The following ASAP1 variants were observed in gnomAD, a reference collection of about 807,000 sequenced individuals.
The protein encoded by ASAP1 is ArfGAP with SH3 domain, ankyrin repeat and PH domain 1, also known as arf-GAP with SH3 domain, ANK repeat and PH domain-containing protein 1.
Under a neutral mutation model 145.2 loss-of-function variants are expected in ASAP1, and 43 were observed. The ratio of observed to expected loss-of-function variants is 0.30; its 90% CI spans 0.23 to 0.38. The LOEUF (loss-of-function observed/expected upper bound fraction) is 0.38, where lower values mean the gene tolerates loss of function less well. Ranked by LOEUF, ASAP1 falls within the 10% of genes least tolerant of loss-of-function variation. The pLI is 1.00. For missense variants in ASAP1, 1,018 were observed against 1,355.3 expected, an observed-to-expected ratio of 0.75 and a Z score of 3.91; for synonymous variants, 546 against 515.5, an observed-to-expected ratio of 1.06 and a Z score of -0.80.
At chr8:130,149,067 C>T (rs375621645) in intron 13 of ASAP1, among the ~76,000 whole-genome samples, 1 of 144,704 alleles carries the variant, frequency 6.9e-6, no homozygotes, top group Non-Finnish European at 1.5e-5. Flanking sequence ...AGGCTGGTCT[C>T]GAACTCCTGG....
Position 130,214,567 on chromosome 8 carries a change from G to A in ASAP1, c.394C>T (p.Leu132=). ...STLTKELSTL[L]KNLLQGLSHN... Reference sequence around the variant, plus strand: ...ATGAAATGTCTTACCAGATTTTTCAGCAGTGTGGACAGTTCCTTTGTAAGA... The same window carrying A: ...ATGAAATGTCTTACCAGATTTTTCAACAGTGTGGACAGTTCCTTTGTAAGA... The change falls in exon 5 of 30, where the codon CTG becomes TTG. Residue 132 remains leucine, a synonymous_variant. Coordinates refer to ENST00000518721, the MANE Select transcript of ASAP1 (RefSeq NM_018482.4). The A allele has an allele frequency of 1.3e-6, 2 of 1,598,666 alleles. No individual in the cohort carries two copies. Among genetic ancestry groups the A allele is most frequent in the Middle Eastern group, 1.7e-4 (1 of 5,984 alleles).
chr8:130,355,106 T>G (rs754516395), intron 3 of ASAP1, among the ~76,000 whole-genome samples: 3 of 152,256 alleles, frequency 2.0e-5, no homozygotes, highest in Non-Finnish European at 4.4e-5. Flanking sequence ...CTCGAACTCC[T>G]GACCTCAAGT....
intron 3 of ASAP1, among the ~76,000 whole-genome samples, chr8:130,325,342 C>T (rs1487058081): frequency 6.6e-6 from 1 of 152,158 alleles, no homozygotes; most frequent in Non-Finnish European, 1.5e-5. Context: ...AGCACTGAGG[C>T]CAACTTCAAA....
chr8:130,169,058 T>C lies in ASAP1; in HGVS notation c.756A>G (p.Gln252=), dbSNP rs773788368. 3 of 1,566,918 alleles carry C rather than the reference T, an allele frequency of 1.9e-6. No individual in the cohort carries two copies. The highest frequency in any genetic ancestry group is 2.0e-5 in the Admixed American group (1 of 49,276). Residue 252 remains glutamine, a synonymous_variant, in exon 10 of 30, where the codon CAA becomes CAG. Coordinates refer to ENST00000518721, the MANE Select transcript of ASAP1 (RefSeq NM_018482.4). ...ACTTATCAGCTGTTTTCAAGCCATC[T>C]TGAAAGAAACTACAATTAAAAAAAT... ...KYYHAQCNFF[Q]DGLKTADKLK...
Position 130,118,692 on chromosome 8 carries a change from TAAAG to T in ASAP1, c.1608-21_1608-18del, listed in dbSNP as rs2097560476. On this transcript the variant is annotated intron_variant, in intron 18 of 29. Transcript: ENST00000518721. ...CGTACAGTCCTAAAACAGAACAAAA[TAAAG>T]AATTTTTATTTTCCAAGTGCTAGGA... 1 of 1,420,510 alleles carries T rather than the reference TAAAG, an allele frequency of 7.0e-7. No homozygotes were observed. Among genetic ancestry groups the T allele is most frequent in the African/African-American group, 1.4e-5 (1 of 69,066 alleles). 88.0% of individuals were successfully genotyped at this position (1,420,510 alleles called of 1,614,324 possible).
chr8:130,121,849 G>A (rs575017273), intron 18 of ASAP1, among the ~76,000 whole-genome samples: 24 of 130,652 alleles, frequency 1.8e-4, no homozygotes, highest in Admixed American at 2.5e-4. Flanking sequence ...CTCAGATCAC[G>A]CCACTCCTGT....
rs146341224 is a variant in ASAP1 at position 130,214,429 on chromosome 8, T to G, written c.405+127A>C. The G allele has an allele frequency of 2.2e-4, 211 of 955,966 alleles. 1 individual carries two copies. In the African/African-American group the frequency reaches 3.0e-3, roughly 14 times the overall value. 59.2% of individuals were successfully genotyped at this position (955,966 alleles called of 1,614,324 possible). On this transcript the variant is annotated intron_variant, in intron 5 of 29. Coordinates refer to ENST00000518721, the MANE Select transcript of ASAP1 (RefSeq NM_018482.4). ...TGGAAGTTACCTAGGACTAAAAAGC[T>G]TTTTGTTTTTTCTTTCTCACCCCTA...
intron 3 of ASAP1, among the ~76,000 whole-genome samples, chr8:130,267,446 C>T (rs574715593): frequency 6.6e-6 from 1 of 152,264 alleles, no homozygotes; most frequent in South Asian, 2.1e-4. Flanking sequence ...ACATTAGATC[C>T]TCCCAAAAAC....
At chr8:130,356,127 A>G (rs962595006) in intron 3 of ASAP1, among the ~76,000 whole-genome samples, 1 of 152,208 alleles carries the variant, frequency 6.6e-6, no homozygotes, top group Non-Finnish European at 1.5e-5. Context: ...ACTAACATCA[A>G]CAGCAACTGC....
In ASAP1 at chr8:130,113,106, C is replaced by T. The variant is rs539120707; in HGVS notation, c.2173-784G>A. Among the ~76,000 whole-genome samples the T allele has an allele frequency of 6.6e-5, 10 of 152,336 alleles. No homozygotes were observed. In the East Asian group the frequency reaches 1.5e-3, roughly 24 times the overall value. ...CACTGCAGCCAGAGCTGGTGGGAAA[C>T]CTTGCTCTTTAGACAATAAACCTCT... On this transcript the variant is annotated intron_variant, in intron 23 of 29. Coordinates refer to ENST00000518721, the MANE Select transcript of ASAP1 (RefSeq NM_018482.4).
rs184065492 is a variant in ASAP1, at chr8:130,282,044, A to G, written c.187-45050T>C. On this transcript the variant is annotated intron_variant, in intron 3 of 29. Transcript: ENST00000518721. Reference sequence around the variant, plus strand: ...ATCATGACCGATTACACTCCAGTCCAGGCGACAGTGCAAGACTCTGCCTCG... The same window carrying G: ...ATCATGACCGATTACACTCCAGTCCGGGCGACAGTGCAAGACTCTGCCTCG... Among the ~76,000 whole-genome samples, 168 of 150,664 alleles carry G rather than the reference A, an allele frequency of 1.1e-3. 1 individual carries two copies. Among genetic ancestry groups the G allele is most frequent in the African/African-American group, 3.7e-3 (153 of 41,008 alleles).
In ASAP1 at chr8:130,179,337, C is replaced by T. The variant is rs1586529744; in HGVS notation, c.673G>A (p.Val225Ile). 6.3e-7 allele frequency: 1 copy of T among 1,596,284 alleles called. No homozygotes were observed. The highest frequency in any genetic ancestry group is 1.7e-4 in the Middle Eastern group (1 of 6,032). Residue 225 changes from valine (V) to isoleucine (I), a missense_variant, in exon 9 of 30, where the codon GTT (valine) becomes ATT (isoleucine). Transcript: ENST00000518721. ...CCCTTTTTGGTCTTGATTTCATTAA[C>T]TTTAATGAGATACTGTGAAAATAAA... Reference protein sequence around the residue: ...QLQMCEYLIKVNEIKTKKGVD... With the variant: ...QLQMCEYLIKINEIKTKKGVD...
Position 130,159,946 on chromosome 8 carries a change from C to G in ASAP1, c.928G>C (p.Gly310Arg). ...DQKEDSQSRQGGYSMHQLQGN... is the reference protein window; with the variant it reads ...DQKEDSQSRQRGYSMHQLQGN... ...TGGAGCTGATGCATGCTGTATCCTCCTTGCCGGCTCTGAGAATCCTAGGAA... is the reference window on the plus strand; with the variant it reads ...TGGAGCTGATGCATGCTGTATCCTCGTTGCCGGCTCTGAGAATCCTAGGAA... Residue 310 changes from glycine to arginine, a missense_variant, in exon 12 of 30, where the codon GGA becomes CGA. By Grantham distance (125) the Gly-to-Arg change is moderately radical (BLOSUM62 -2). Around this residue, in one of 9 missense-constraint regions of ASAP1, gnomAD observed 62 missense variants for 68.5 expected, o/e 0.90. Coordinates refer to ENST00000518721, the MANE Select transcript of ASAP1 (RefSeq NM_018482.4). 1 of 1,614,060 alleles carries G rather than the reference C, an allele frequency of 6.2e-7. No individual in the cohort carries two copies. The highest frequency in any genetic ancestry group is 8.5e-7 in the Non-Finnish European group (1 of 1,179,964).
chr8:130,299,766 C>T (rs1822509787), intron 3 of ASAP1, among the ~76,000 whole-genome samples: 1 of 152,068 alleles, frequency 6.6e-6, no homozygotes, highest in African/African-American at 2.4e-5. Context: ...GGAATAACAA[C>T]AAAGGCAATT....
chr8:130,151,644 A>G (rs1318777340), intron 13 of ASAP1, among the ~76,000 whole-genome samples: 1 of 152,212 alleles, frequency 6.6e-6, no homozygotes, highest in African/African-American at 2.4e-5. Flanking sequence ...GCAACTGCTC[A>G]AGTTCCATAA....
chr8:130,107,794 C>T lies in ASAP1; in HGVS notation c.2401+4300G>A, dbSNP rs1179698861. ...GAACTCCTGACCTCAGGTGATCTGCCTGCCTTGGCCTCCCACAGTGCTGGG... is the reference window on the plus strand; with the variant it reads ...GAACTCCTGACCTCAGGTGATCTGCTTGCCTTGGCCTCCCACAGTGCTGGG... On this transcript the variant is annotated intron_variant, in intron 24 of 29. Transcript: ENST00000518721. Among the ~76,000 whole-genome samples, 11 of 152,284 alleles carry T rather than the reference C, an allele frequency of 7.2e-5. No homozygotes were observed. In the East Asian group the frequency reaches 2.1e-3, roughly 29 times the overall value.
chr8:130,310,138 T>TTGG (rs1554879367), intron 3 of ASAP1, among the ~76,000 whole-genome samples: 2 of 54,260 alleles, frequency 3.7e-5, no homozygotes, highest in African/African-American at 7.6e-5. Context: ...CAGTTTTTTT[T>TTGG]GGGGGGGGGA....
chr8:130,190,668 T>A (rs1190402199), intron 5 of ASAP1, among the ~76,000 whole-genome samples: 1 of 152,082 alleles, frequency 6.6e-6, no homozygotes, highest in Non-Finnish European at 1.5e-5. Flanking sequence ...CAGGCATGCA[T>A]CACTACGTCC....
intron 3 of ASAP1, among the ~76,000 whole-genome samples, chr8:130,280,869 C>T (rs1565167016): frequency 6.6e-6 from 1 of 152,078 alleles, no homozygotes; most frequent in African/African-American, 2.4e-5. Flanking sequence ...TCATTAATAG[C>T]ACCATTTCAT....
Sources: allele counts gnomAD v4.1 joint callset (sites outside exome capture counted in the v4.1 genomes callset), GRCh38; gene constraint gnomAD v4.1.1; regional missense constraint gnomAD v4.1.1; transcripts MANE v1.5; gene names NCBI Gene and HGNC (gene_info 2026-07-23, HGNC 2026-07-21).